ZNF596: variants seen among roughly 807,000 people sequenced by gnomAD.
ZNF596 encodes zinc finger protein 596.
Under a neutral mutation model 48.3 loss-of-function variants are expected in ZNF596, and 45 were observed. The observed-to-expected ratio is 0.93, with a 90% CI of 0.73 to 1.19. The LOEUF is 1.19. ZNF596 is among the 50% of genes most tolerant of loss of function. The probability of loss-of-function intolerance (pLI) is 0.00; values close to 1 mark genes in which losing one functional copy is unlikely to be tolerated. For missense variants in ZNF596, 848 were observed against 599.7 expected (o/e 1.41, Z -4.32); for synonymous variants, 270 against 202.0 (o/e 1.34, Z -2.85).
chr8:240,705 C>G (rs1205058515), intron 1 of ZNF596, 119 bp from the exon 2 acceptor site: 2 of 636,142 alleles, frequency 3.1e-6, no homozygotes, highest in Admixed American at 5.3e-5. Flanking sequence ...CAACCCAACC[C>G]ACCCCCTACC....
At chr8:234,983 G>C (rs1344966292) in intron 1 of ZNF596, 1 of 152,196 alleles carries the variant, frequency 6.6e-6, no homozygotes, top group African/African-American at 2.4e-5. Context: ...AGATTGATGA[G>C]AGGAAATGTG....
chr8:235,999 C>T (rs1236750466), intron 1 of ZNF596, among the ~76,000 whole-genome samples: 1 of 152,094 alleles, frequency 6.6e-6, no homozygotes, highest in Non-Finnish European at 1.5e-5. Flanking sequence ...TAAAAGACCA[C>T]ATGGGACTTT....
chr8:235,730 C>T (rs12216727), intron 1 of ZNF596, among the ~76,000 whole-genome samples: 108 of 147,522 alleles, frequency 7.3e-4, no homozygotes, highest in South Asian at 2.0e-3. Context: ...TCCTTCACGC[C>T]CTTTGATTTT....
At chr8:239,314 G>A (rs995705907) in intron 1 of ZNF596, among the ~76,000 whole-genome samples, 3 of 152,052 alleles carry the variant, frequency 2.0e-5, no homozygotes, top group Admixed American at 1.3e-4. Flanking sequence ...TCAGCCTCCC[G>A]AATAGCTGAG....
rs1797048650 is a variant in ZNF596, at chr8:245,753, A to G, written c.906A>G (p.Leu302=). 6.2e-7 allele frequency: 1 copy of G among 1,613,380 alleles called. No homozygotes were observed. Among genetic ancestry groups the G allele is most frequent in the East Asian group, 2.2e-5 (1 of 44,762 alleles). ...TTAGAAAACATGAGAGAACTCACTTAGGAGATAAACCATATGGATGTCTCC... is the reference window on the plus strand; with the variant it reads ...TTAGAAAACATGAGAGAACTCACTTGGGAGATAAACCATATGGATGTCTCC... ...SDLRKHERTH[L]GDKPYGCLLC... Residue 302 remains leucine (L), a synonymous_variant, in exon 6 of 6, where the codon TTA becomes TTG. Transcript: ENST00000398612.
intron 4 of ZNF596, 121 bp downstream of exon 4, chr8:243,926 C>CTAA: frequency 1.3e-6 from 1 of 785,934 alleles, no homozygotes; most frequent in Non-Finnish European, 2.0e-6. Context: ...CTCACTCTGT[C>CTAA]ACCCAGGCTG....
At chr8:244,907 G>C (rs1797001476) in intron 5 of ZNF596, among the ~76,000 whole-genome samples, 1 of 152,206 alleles carries the variant, frequency 6.6e-6, no homozygotes. Flanking sequence ...ACTACGTGCT[G>C]AAACTTTCAA....
chr8:238,505 A>T (rs1451984426), intron 1 of ZNF596, among the ~76,000 whole-genome samples: 1 of 151,894 alleles, frequency 6.6e-6, no homozygotes, highest in Admixed American at 6.6e-5. Flanking sequence ...GACCATAAAG[A>T]AATACAGGTT....
At chr8:243,643 T>G in intron 3 of ZNF596, 79 bp from the exon 4 acceptor site, 1 of 1,419,300 alleles carries the variant, frequency 7.0e-7, no homozygotes, top group Non-Finnish European at 9.8e-7. Flanking sequence ...TCCTTCCCAG[T>G]AGGCTGCCCT....
chr8:241,112 C>A (rs1239126074), intron 2 of ZNF596, among the ~76,000 whole-genome samples: 1 of 152,182 alleles, frequency 6.6e-6, no homozygotes, highest in Non-Finnish European at 1.5e-5. Context: ...GGCATTCCAG[C>A]CTCTACTAAG....
intron 1 of ZNF596, among the ~76,000 whole-genome samples, chr8:239,313 C>G (rs1321508029): frequency 1.3e-5 from 2 of 152,116 alleles, no homozygotes; most frequent in East Asian, 3.9e-4. Flanking sequence ...CTCAGCCTCC[C>G]GAATAGCTGA....
In ZNF596 at chr8:245,927, G is replaced by C. The variant is rs150499628; in HGVS notation, c.1080G>C (p.Glu360Asp). 58 of 1,613,934 alleles carry C rather than the reference G, an allele frequency of 3.6e-5. No individual in the cohort carries two copies. In the African/African-American group the frequency reaches 6.9e-4, roughly 19 times the overall value. ...AACATGAGCGAAGTCACAATGGAGA[G>C]AAACCACATGGATGTCATCTATGTG... ...LRQHERSHNG[E>D]KPHGCHLCGK... The change falls in exon 6 of 6, where the codon GAG (glutamate) becomes GAC (aspartate). Residue 360 changes from glutamate to aspartate, a missense_variant. Glu to Asp is a conservative substitution (Grantham distance 45). Transcript: ENST00000398612.
At position 245,766 on chromosome 8, in the gene ZNF596, T is replaced by G. The variant is rs1446712326; in HGVS notation, c.919T>G (p.Tyr307Asp). 6.2e-7 allele frequency: 1 copy of G among 1,614,116 alleles called. No homozygotes were observed. The highest frequency in any genetic ancestry group is 8.5e-7 in the Non-Finnish European group (1 of 1,180,026). ...GAGAACTCACTTAGGAGATAAACCA[T>G]ATGGATGTCTCCTATGTGGGAAGGC... ...HERTHLGDKP[Y>D]GCLLCGKAFS... The change falls in exon 6 of 6, where the codon TAT becomes GAT. Residue 307 changes from tyrosine to aspartate, a missense_variant. Physicochemically the swap from Tyr to Asp is radical, Grantham distance 160. Transcript: ENST00000398612.
rs759732316 is a variant in ZNF596 at position 246,135 on chromosome 8, C to T, written c.1288C>T (p.His430Tyr). Residue 430 changes from histidine to tyrosine, a missense_variant, in exon 6 of 6, where the codon CAC (histidine) becomes TAC (tyrosine). Physicochemically the swap from His to Tyr is moderately conservative, Grantham distance 83. Coordinates refer to ENST00000398612, the MANE Select transcript of ZNF596 (RefSeq NM_001042416.3). ...CCATCTATGCGGAAAAGCCTTCAAT[C>T]ACTCTTCTGTCCTTAGACGACATGA... The part of the protein sequence containing the change: ...ECHLCGKAFN[H>Y]SSVLRRHERT... 1.2e-6 allele frequency: 2 copies of T among 1,612,946 alleles called. No individual in the cohort carries two copies. Among genetic ancestry groups the T allele is most frequent in the African/African-American group, 1.3e-5 (1 of 74,756 alleles).
chr8:246,078 A>G lies in ZNF596; in HGVS notation c.1231A>G (p.Arg411Gly). The change falls in exon 6 of 6, where the codon AGA (arginine) becomes GGA (glycine). Residue 411 changes from arginine (R) to glycine (G), a missense_variant. Physicochemically the swap from Arg to Gly is moderately radical, Grantham distance 125. Coordinates refer to ENST00000398612, the MANE Select transcript of ZNF596 (RefSeq NM_001042416.3). Reference protein sequence around the residue: ...TESSDLRRHERTHTGEKPYEC... With the variant: ...TESSDLRRHEGTHTGEKPYEC... ...ATCTTCTGACCTCAGACGACATGAG[A>G]GAACTCACACTGGAGAAAAACCATA... The G allele has an allele frequency of 6.2e-7, 1 of 1,614,034 alleles. No individual in the cohort carries two copies. The highest frequency in any genetic ancestry group is 8.5e-7 in the Non-Finnish European group (1 of 1,179,862).
At chr8:237,629 G>A (rs546631273) in intron 1 of ZNF596, 1 of 152,178 alleles carries the variant, frequency 6.6e-6, no homozygotes, top group African/African-American at 2.4e-5. Context: ...ATTTATGTAT[G>A]TGTGATCTCA....
chr8:245,317 A>G lies in ZNF596; in HGVS notation c.470A>G (p.His157Arg), dbSNP rs376013825. The G allele has an allele frequency of 1.2e-5, 19 of 1,614,150 alleles. No individual in the cohort carries two copies. The highest frequency in any genetic ancestry group is 8.0e-5 in the African/African-American group (6 of 75,066). The change falls in exon 6 of 6, where the codon CAC becomes CGC. Residue 157 changes from histidine (H) to arginine (R), a missense_variant. By Grantham distance (29) the His-to-Arg change is conservative (BLOSUM62 0). Coordinates refer to ENST00000398612, the MANE Select transcript of ZNF596 (RefSeq NM_001042416.3). ...IFSDWLSFNQHKEIHTKCKSY... is the reference protein window; with the variant it reads ...IFSDWLSFNQRKEIHTKCKSY... ...AGTGACTGGTTATCCTTTAATCAACACAAGGAAATTCACACCAAATGTAAA... is the reference window on the plus strand; with the variant it reads ...AGTGACTGGTTATCCTTTAATCAACGCAAGGAAATTCACACCAAATGTAAA...
At chr8:239,407 G>C (rs984820491) in intron 1 of ZNF596, among the ~76,000 whole-genome samples, 4 of 152,170 alleles carry the variant, frequency 2.6e-5, no homozygotes, top group Non-Finnish European at 5.9e-5. Flanking sequence ...AAGTTGGCCA[G>C]GCTGGTTTTG....
chr8:240,805 TG>T lies in ZNF596; in HGVS notation c.-72-18del. 6.5e-7 allele frequency: 1 copy of T among 1,544,898 alleles called. No individual in the cohort carries two copies. Among genetic ancestry groups the T allele is most frequent in the Non-Finnish European group, 8.9e-7 (1 of 1,118,242 alleles). ...TGGAGTGTCATGGTTTTTTTGTTTTTGTTTTTGTTTTTGCTCAGATTTGTCT... is the reference window on the plus strand; with the variant it reads ...TGGAGTGTCATGGTTTTTTTGTTTTTTTTTTGTTTTTGCTCAGATTTGTCT... On this transcript the variant is annotated intron_variant, in intron 1 of 5. Coordinates refer to ENST00000398612, the MANE Select transcript of ZNF596 (RefSeq NM_001042416.3).
Sources: allele counts gnomAD v4.1 joint callset (sites outside exome capture counted in the v4.1 genomes callset), GRCh38; gene constraint gnomAD v4.1.1; transcripts MANE v1.5; gene names NCBI Gene and HGNC (gene_info 2026-07-23, HGNC 2026-07-21).